SUGCT: variants seen among roughly 807,000 people sequenced by gnomAD.
The protein encoded by SUGCT is succinyl-CoA:glutarate-CoA transferase, also known as succinyl-CoA:glutarate CoA-transferase.
SUGCT carries 41 observed loss-of-function variants against 55.0 expected under a neutral mutation model. The observed-to-expected ratio is 0.74, with a 90% CI of 0.58 to 0.97. The LOEUF (loss-of-function observed/expected upper bound fraction) is 0.97, where lower values mean the gene tolerates loss of function less well. SUGCT is among the 50% of genes least tolerant of loss of function. The pLI is 0.00. For synonymous variants in SUGCT, 187 were observed against 200.4 expected (o/e 0.93, Z 0.56); for missense variants, 568 against 547.8 (o/e 1.04, Z -0.37).
At chr7:40,798,916 T>C (rs1239399210) in intron 13 of SUGCT, among the ~76,000 whole-genome samples, 3 of 152,216 alleles carry the variant, frequency 2.0e-5, no homozygotes, top group Non-Finnish European at 4.4e-5. Flanking sequence ...GGTTCACAAA[T>C]GCATTATAAC....
chr7:40,547,203 G>A (rs1432526008), intron 12 of SUGCT, among the ~76,000 whole-genome samples: 2 of 152,112 alleles, frequency 1.3e-5, no homozygotes, highest in Non-Finnish European at 2.9e-5. Context: ...AACTCAAACA[G>A]CGAGGCAAGC....
At chr7:40,463,296 A>G (rs1026929779) in intron 11 of SUGCT, among the ~76,000 whole-genome samples, 3 of 152,212 alleles carry the variant, frequency 2.0e-5, no homozygotes, top group Non-Finnish European at 4.4e-5. Flanking sequence ...GTTTATTTTA[A>G]AAAGTTTTCT....
intron 9 of SUGCT, among the ~76,000 whole-genome samples, chr7:40,325,527 C>T (rs1259127954): frequency 6.6e-6 from 1 of 152,048 alleles, no homozygotes; most frequent in Non-Finnish European, 1.5e-5. Context: ...GAAAGGGAAG[C>T]CTAGAGACAT....
intron 12 of SUGCT, among the ~76,000 whole-genome samples, chr7:40,531,958 G>A (rs1009705388): frequency 1.3e-5 from 2 of 152,190 alleles, no homozygotes; most frequent in African/African-American, 4.8e-5. Context: ...ACAGGCGTGA[G>A]CCACCGCGCC....
At chr7:40,636,455 A>C (rs1008170061) in intron 12 of SUGCT, among the ~76,000 whole-genome samples, 1 of 152,186 alleles carries the variant, frequency 6.6e-6, no homozygotes, top group African/African-American at 2.4e-5. Flanking sequence ...CATTCTATTC[A>C]TTAGGAATGT....
At chr7:40,435,621 C>T (rs772029819) in intron 9 of SUGCT, among the ~76,000 whole-genome samples, 4 of 152,150 alleles carry the variant, frequency 2.6e-5, no homozygotes, top group Non-Finnish European at 5.9e-5. Context: ...CCTACCCTCC[C>T]CAGAGCTCAC....
At chr7:40,440,947 G>A (rs1343728266) in intron 9 of SUGCT, among the ~76,000 whole-genome samples, 3 of 151,668 alleles carry the variant, frequency 2.0e-5, no homozygotes, top group Non-Finnish European at 2.9e-5. Context: ...GACAGAGAGA[G>A]ATGCTGTCTT....
chr7:40,987,378 A>C, the SUGCT span, among the ~76,000 whole-genome samples: 3 of 152,150 alleles, frequency 2.0e-5, no homozygotes, highest in African/African-American at 7.2e-5. Context: ...GGGTTTTTGG[A>C]ATGAAGATAT....
At chr7:40,957,489 G>T in the SUGCT span, among the ~76,000 whole-genome samples, 1 of 94,906 alleles carries the variant, frequency 1.1e-5, no homozygotes, top group African/African-American at 3.9e-5. Flanking sequence ...CCATTTGCTT[G>T]GTAAATCTTC....
chr7:40,219,116 T>C (rs1384660128), intron 6 of SUGCT, among the ~76,000 whole-genome samples: 2 of 151,958 alleles, frequency 1.3e-5, no homozygotes, highest in South Asian at 2.1e-4. Context: ...CGAACAACTC[T>C]GGACGCGCCA....
At chr7:40,254,834 A>T (rs1030734014) in intron 7 of SUGCT, among the ~76,000 whole-genome samples, 4 of 151,986 alleles carry the variant, frequency 2.6e-5, no homozygotes, top group African/African-American at 7.2e-5. Flanking sequence ...TTTATTTTTC[A>T]AAAATTTAGC....
chr7:40,541,216 T>C (rs898260964), intron 12 of SUGCT, among the ~76,000 whole-genome samples: 5 of 150,156 alleles, frequency 3.3e-5, no homozygotes, highest in Non-Finnish European at 5.9e-5. Flanking sequence ...AATAATAAGA[T>C]GTCACTAAAG....
At chr7:40,585,648 T>C (rs1357703009) in intron 12 of SUGCT, among the ~76,000 whole-genome samples, 2 of 152,130 alleles carry the variant, frequency 1.3e-5, no homozygotes, top group Admixed American at 1.3e-4. Flanking sequence ...TGTTGGGATT[T>C]CAGGCGTGAG....
intron 13 of SUGCT, among the ~76,000 whole-genome samples, chr7:40,764,368 A>G (rs909047893): frequency 1.3e-5 from 2 of 152,204 alleles, no homozygotes; most frequent in African/African-American, 4.8e-5. Flanking sequence ...TACCTCATTC[A>G]CCTTTTTTAG....
chr7:40,353,190 G>A (rs1360405642), intron 9 of SUGCT, among the ~76,000 whole-genome samples: 2 of 152,076 alleles, frequency 1.3e-5, no homozygotes, highest in African/African-American at 2.4e-5. Context: ...CCAAGTTTTC[G>A]GGTGACTGGT....
chr7:40,583,378 T>C (rs992949320), intron 12 of SUGCT, among the ~76,000 whole-genome samples: 1 of 152,188 alleles, frequency 6.6e-6, no homozygotes, highest in Non-Finnish European at 1.5e-5. Flanking sequence ...TGGATTGATC[T>C]TTCCTTGGCT....
chr7:40,801,446 C>T (rs1328158736), intron 13 of SUGCT, among the ~76,000 whole-genome samples: 2 of 152,162 alleles, frequency 1.3e-5, no homozygotes, highest in East Asian at 3.8e-4. Flanking sequence ...GTTACCCTAA[C>T]ATCTTGCCAA....
intron 7 of SUGCT, among the ~76,000 whole-genome samples, chr7:40,263,698 A>C (rs1422997968): frequency 1.3e-5 from 2 of 152,212 alleles, no homozygotes; most frequent in African/African-American, 4.8e-5. Context: ...TAGTATTACA[A>C]AGACATTAAT....
At chr7:40,418,702 G>A (rs192758795) in intron 9 of SUGCT, among the ~76,000 whole-genome samples, 135 of 152,166 alleles carry the variant, frequency 8.9e-4, no homozygotes, top group Admixed American at 2.7e-3. Flanking sequence ...CATTACAAGC[G>A]GGATGTGGCC....
Sources: allele counts gnomAD v4.1 joint callset (sites outside exome capture counted in the v4.1 genomes callset), GRCh38; gene constraint gnomAD v4.1.1; transcripts MANE v1.5; gene names NCBI Gene and HGNC (gene_info 2026-07-23, HGNC 2026-07-21).